The following CREBBP variants were observed in gnomAD, a reference collection of about 807,000 sequenced individuals.
CREBBP encodes CREB-binding protein.
CREBBP carries 19 observed loss-of-function variants against 265.0 expected under a neutral mutation model. The observed-to-expected ratio is 0.07, with a 90% CI of 0.05 to 0.11. CREBBP has a LOEUF of 0.11. Ranked by LOEUF, CREBBP falls within the 10% of genes least tolerant of loss-of-function variation. CREBBP has a pLI of 1.00. For missense variants in CREBBP, 2,525 were observed against 3,219.0 expected, an observed-to-expected ratio of 0.78 and a Z score of 5.22; for synonymous variants, 1,457 against 1,223.7, an observed-to-expected ratio of 1.19 and a Z score of -3.98.
intron 2 of CREBBP, among the ~76,000 whole-genome samples, chr16:3,837,125 GGCAGCATT>G (rs1269061970): frequency 3.3e-5 from 5 of 152,164 alleles, no homozygotes; most frequent in Non-Finnish European, 5.9e-5. Flanking sequence ...TATTCCAGAA[GGCAGCATT>G]GTCATTATAG....
intron 2 of CREBBP, among the ~76,000 whole-genome samples, chr16:3,817,742 G>T (rs1036643624): frequency 6.6e-6 from 1 of 152,244 alleles, no homozygotes; most frequent in Non-Finnish European, 1.5e-5. Context: ...TGTCGAAAAG[G>T]TCAGAGAAAC....
rs3025688 is a variant in CREBBP at position 3,750,909 on chromosome 16, C to T, written c.3779+817G>A. Among the ~76,000 whole-genome samples the T allele has an allele frequency of 3.2e-3, 480 of 152,286 alleles. 4 individuals carry two copies. Among genetic ancestry groups the T allele is most frequent in the South Asian group, 0.012 (60 of 4,828 alleles). On this transcript the variant is annotated intron_variant, in intron 20 of 30. Coordinates refer to ENST00000262367, the MANE Select transcript of CREBBP (RefSeq NM_004380.3). ...TCATTTTTTGCTACTGCCAGTTCTG[C>T]AAATGGGGATACCTGGTTTCTCAGG...
At chr16:3,824,500 G>C (rs1418292652) in intron 2 of CREBBP, among the ~76,000 whole-genome samples, 2 of 152,214 alleles carry the variant, frequency 1.3e-5, no homozygotes, top group African/African-American at 2.4e-5. Flanking sequence ...TCATACTGAT[G>C]GTTAGTCACA....
chr16:3,770,450 C>T, intron 14 of CREBBP, 120 bp downstream of exon 14: 1 of 1,113,268 alleles, frequency 9.0e-7, no homozygotes, highest in Non-Finnish European at 1.4e-6. Flanking sequence ...CCCACCTTGG[C>T]CTCCCAAGGT....
Position 3,731,529 on chromosome 16 carries a change from G to T in CREBBP, c.4891-56C>A, listed in dbSNP as rs2051916214. The T allele has an allele frequency of 1.9e-6, 3 of 1,550,936 alleles. No homozygotes were observed. The highest frequency in any genetic ancestry group is 2.4e-5 in the East Asian group (1 of 42,102). ...CAAGGGACATGGCACCTCCAGTGGT[G>T]AGCTCAGGGCAGGCGCAGCCACCCA... On this transcript the variant is annotated intron_variant, in intron 29 of 30. Coordinates refer to ENST00000262367, the MANE Select transcript of CREBBP (RefSeq NM_004380.3). This position sits in a 1 kb window ranked among gnomAD's most constrained non-coding sequence, Gnocchi z 7.7.
chr16:3,828,121 C>T (rs2054274524), intron 2 of CREBBP, among the ~76,000 whole-genome samples: 1 of 151,946 alleles, frequency 6.6e-6, no homozygotes, highest in South Asian at 2.1e-4. Context: ...GACAGAGTCT[C>T]TCGCTCTGTC....
At chr16:3,819,867 GAA>G (rs1567338165) in intron 2 of CREBBP, among the ~76,000 whole-genome samples, 1 of 152,126 alleles carries the variant, frequency 6.6e-6, no homozygotes, top group African/African-American at 2.4e-5. Context: ...ACACTCCCAC[GAA>G]AAAAGAAATG....
intron 2 of CREBBP, among the ~76,000 whole-genome samples, chr16:3,844,943 C>CA (rs2054635468): frequency 6.6e-6 from 1 of 151,998 alleles, no homozygotes; most frequent in African/African-American, 2.4e-5. Flanking sequence ...ATAAGACCCC[C>CA]AGAAAAGATA....
At chr16:3,739,256 C>G (rs753680773) in intron 25 of CREBBP, among the ~76,000 whole-genome samples, 2 of 152,206 alleles carry the variant, frequency 1.3e-5, no homozygotes, top group African/African-American at 2.4e-5. Context: ...CCTGACTGCA[C>G]ATGAAGCCCT....
intron 2 of CREBBP, among the ~76,000 whole-genome samples, chr16:3,833,326 C>T (rs573399630): frequency 3.3e-5 from 5 of 152,324 alleles, no homozygotes; most frequent in South Asian, 2.1e-4. Context: ...GCACGAGAAT[C>T]GCTTGAGCCC....
intron 19 of CREBBP, among the ~76,000 whole-genome samples, chr16:3,753,356 G>C (rs1447277948): frequency 3.3e-5 from 5 of 152,178 alleles, no homozygotes; most frequent in Non-Finnish European, 7.3e-5. Flanking sequence ...AAATTTTAAA[G>C]CATACAACTT....
chr16:3,792,683 G>A (rs772582190), intron 4 of CREBBP, among the ~76,000 whole-genome samples: 2 of 152,252 alleles, frequency 1.3e-5, no homozygotes, highest in Admixed American at 6.5e-5. Context: ...AACGGGAGAC[G>A]GGGAGACCAG....
chr16:3,809,587 CT>C (rs1286650786), intron 3 of CREBBP, among the ~76,000 whole-genome samples: 8 of 152,146 alleles, frequency 5.3e-5, no homozygotes, highest in African/African-American at 1.7e-4. Flanking sequence ...AGAGATCTGG[CT>C]CTCTCTGCTT....
At chr16:3,844,147 C>CAA (rs545907683) in intron 2 of CREBBP, among the ~76,000 whole-genome samples, 331 of 19,594 alleles carry the variant, frequency 0.017, 19 homozygotes, top group African/African-American at 0.021. Context: ...GACTCCGTCT[C>CAA]AAAAAAAAAA....
chr16:3,821,341 C>T (rs992571980), intron 2 of CREBBP, among the ~76,000 whole-genome samples: 20 of 152,252 alleles, frequency 1.3e-4, no homozygotes, highest in East Asian at 5.8e-4. Flanking sequence ...ACTGGGAGGC[C>T]CTCACCATGG....
intron 13 of CREBBP, among the ~76,000 whole-genome samples, chr16:3,772,983 C>G (rs544375629): frequency 6.7e-6 from 1 of 149,480 alleles, no homozygotes; most frequent in East Asian, 2.0e-4. Context: ...AGGTACTTGG[C>G]AGGCTTAGGC....
chr16:3,780,024 T>C (rs962214045), intron 8 of CREBBP, among the ~76,000 whole-genome samples: 4 of 152,018 alleles, frequency 2.6e-5, no homozygotes, highest in Non-Finnish European at 5.9e-5. Flanking sequence ...GACGGATCAC[T>C]TGAGGTCAGG....
At chr16:3,865,294 G>C (rs1056205299) in intron 1 of CREBBP, among the ~76,000 whole-genome samples, 1 of 152,220 alleles carries the variant, frequency 6.6e-6, no homozygotes, top group African/African-American at 2.4e-5. Context: ...CTGTTTGTGA[G>C]AAGACAAGAC....
intron 2 of CREBBP, among the ~76,000 whole-genome samples, chr16:3,834,735 A>T (rs745750680): frequency 2.0e-5 from 3 of 152,220 alleles, no homozygotes; most frequent in Non-Finnish European, 4.4e-5. Context: ...CATTCTAGAC[A>T]GCGGAGTTGG....
Sources: allele counts gnomAD v4.1 joint callset (sites outside exome capture counted in the v4.1 genomes callset), GRCh38; gene constraint gnomAD v4.1.1; non-coding constraint Gnocchi (gnomAD v3.1); transcripts MANE v1.5; gene names NCBI Gene and HGNC (gene_info 2026-07-23, HGNC 2026-07-21).